The following MRPL48 variants were observed in gnomAD, a reference collection of about 807,000 sequenced individuals.
MRPL48 encodes mitochondrial ribosomal protein L48.
In MRPL48, 16 loss-of-function variants were observed where a neutral mutation model predicts 32.9. The ratio of observed to expected loss-of-function variants is 0.49; its 90% CI spans 0.33 to 0.74. The LOEUF (loss-of-function observed/expected upper bound fraction) is 0.74. MRPL48 is among the 30% of genes least tolerant of loss of function. MRPL48 has a pLI of 0.02. For synonymous variants in MRPL48, 94 were observed against 89.2 expected (o/e 1.05, Z -0.31); for missense variants, 206 against 245.3 (o/e 0.84, Z 1.07).
chr11:73,861,070 G>T (rs1175427859), intron 6 of MRPL48, among the ~76,000 whole-genome samples: 1 of 152,032 alleles, frequency 6.6e-6, no homozygotes, highest in Non-Finnish European at 1.5e-5. Flanking sequence ...CATGGTATAG[G>T]CATCACCCTT....
chr11:73,810,572 TATTG>T (rs1565408330), intron 3 of MRPL48, among the ~76,000 whole-genome samples: 1 of 151,248 alleles, frequency 6.6e-6, no homozygotes. Flanking sequence ...TTTTTTTTTT[TATTG>T]TAATTTAAGT....
chr11:73,851,626 C>T (rs1948391837), intron 5 of MRPL48, among the ~76,000 whole-genome samples: 1 of 152,090 alleles, frequency 6.6e-6, no homozygotes, highest in Non-Finnish European at 1.5e-5. Flanking sequence ...TGTGGCAGTT[C>T]CTTTTCCCTC....
chr11:73,795,256 T>C (rs1947234523), intron 1 of MRPL48, among the ~76,000 whole-genome samples: 2 of 151,834 alleles, frequency 1.3e-5, no homozygotes, highest in Non-Finnish European at 1.5e-5. Context: ...AGAGACAGGG[T>C]TTCACCATGT....
chr11:73,851,918 T>TACACACACACAC (rs35410725), intron 5 of MRPL48, among the ~76,000 whole-genome samples: 44 of 149,384 alleles, frequency 2.9e-4, no homozygotes, highest in African/African-American at 1.1e-3. Context: ...TCAGGGAACG[T>TACACACACACAC]ACACACACAC....
chr11:73,809,373 A>G (rs1029931228), intron 3 of MRPL48, among the ~76,000 whole-genome samples: 3 of 151,882 alleles, frequency 2.0e-5, no homozygotes, highest in East Asian at 1.9e-4. Context: ...GCGTGGTGGC[A>G]CATGCCTGTA....
chr11:73,829,166 C>T lies in MRPL48; in HGVS notation c.201+3370C>T, dbSNP rs187884329. Among the ~76,000 whole-genome samples the T allele has an allele frequency of 9.7e-3, 1,474 of 152,160 alleles. 19 individuals carry two copies. Among genetic ancestry groups the T allele is most frequent in the Middle Eastern group, 0.037 (11 of 294 alleles). ...TAACTGTATTGGGCCTTTTGTTTTT[C>T]CTCCAAGTCATTATACTTTTTCAAG... On this transcript the variant is annotated intron_variant, in intron 4 of 7. Transcript: ENST00000310614.
At chr11:73,859,554 T>G (rs558351583) in intron 5 of MRPL48, among the ~76,000 whole-genome samples, 1 of 152,166 alleles carries the variant, frequency 6.6e-6, no homozygotes, top group Non-Finnish European at 1.5e-5. Flanking sequence ...TTGCTGGGAT[T>G]ACAGGTGTGC....
At chr11:73,857,169 C>T (rs1948495780) in intron 5 of MRPL48, among the ~76,000 whole-genome samples, 3 of 151,852 alleles carry the variant, frequency 2.0e-5, no homozygotes, top group Admixed American at 1.3e-4. Flanking sequence ...CTTGCTCTGT[C>T]GCCCAAGCTG....
chr11:73,842,467 G>GTTAT (rs913812313), intron 4 of MRPL48: 29 of 151,878 alleles, frequency 1.9e-4, no homozygotes, highest in South Asian at 1.0e-3. Context: ...TAAAGAAGTG[G>GTTAT]TTATTTATTT....
At chr11:73,791,465 G>A (rs1217282379) in intron 1 of MRPL48, among the ~76,000 whole-genome samples, 1 of 151,868 alleles carries the variant, frequency 6.6e-6, no homozygotes, top group Non-Finnish European at 1.5e-5. Context: ...CACCCAGGCA[G>A]CAGTGCAGTG....
At chr11:73,850,232 T>C (rs1465840384) in intron 5 of MRPL48, among the ~76,000 whole-genome samples, 2 of 151,500 alleles carry the variant, frequency 1.3e-5, no homozygotes, top group African/African-American at 4.8e-5. Context: ...AAAATTATTT[T>C]AATAACAAAA....
intron 1 of MRPL48, among the ~76,000 whole-genome samples, chr11:73,796,618 T>C (rs1947258135): frequency 6.6e-6 from 1 of 152,170 alleles, no homozygotes; most frequent in Non-Finnish European, 1.5e-5. Flanking sequence ...AGGTTCCCAT[T>C]GAGACCCCAC....
chr11:73,795,552 G>C lies in MRPL48; in HGVS notation c.21+7560G>C, dbSNP rs979664716. Among the ~76,000 whole-genome samples, 6 of 151,614 alleles carry C rather than the reference G, an allele frequency of 4.0e-5. No homozygotes were observed. In the East Asian group the frequency reaches 1.2e-3, roughly 29 times the overall value. On this transcript the variant is annotated intron_variant, in intron 1 of 7. Transcript: ENST00000310614. The stretch of plus-strand genomic sequence containing the variant: ...TTGAGACCGAGTCTCTGTCACCCAG[G>C]CTGGAGTACAGTGGCGCGATCTCCG...
intron 3 of MRPL48, among the ~76,000 whole-genome samples, chr11:73,823,437 C>T (rs1334345488): frequency 6.6e-6 from 1 of 152,066 alleles, no homozygotes; most frequent in Non-Finnish European, 1.5e-5. Flanking sequence ...TCTTTATTAT[C>T]CTCATTTATA....
At chr11:73,809,483 G>A (rs1266839876) in intron 3 of MRPL48, among the ~76,000 whole-genome samples, 6 of 145,884 alleles carry the variant, frequency 4.1e-5, no homozygotes, top group African/African-American at 7.7e-5. Context: ...CAGCCTGGGC[G>A]ACAGAGCGAG....
intron 3 of MRPL48, among the ~76,000 whole-genome samples, chr11:73,817,071 G>A (rs1029689762): frequency 1.3e-4 from 19 of 150,176 alleles, no homozygotes; most frequent in African/African-American, 4.2e-4. Context: ...ACCTCAGGTG[G>A]TTCACCCGCT....
At chr11:73,821,041 C>T (rs561865787) in intron 3 of MRPL48, among the ~76,000 whole-genome samples, 48 of 152,264 alleles carry the variant, frequency 3.2e-4, no homozygotes, top group African/African-American at 1.1e-3. Context: ...GTTGCCCACA[C>T]TGGAGTACAG....
At chr11:73,798,922 C>T (rs1002670139) in intron 1 of MRPL48, among the ~76,000 whole-genome samples, 3 of 148,740 alleles carry the variant, frequency 2.0e-5, no homozygotes, top group African/African-American at 5.0e-5. Flanking sequence ...ACCTGAGAGG[C>T]GGAGGTTGTA....
At chr11:73,861,835 A>G (rs1948590533) in intron 6 of MRPL48, among the ~76,000 whole-genome samples, 1 of 151,926 alleles carries the variant, frequency 6.6e-6, no homozygotes, top group Non-Finnish European at 1.5e-5. Context: ...GGTTTTTTTG[A>G]TCTTCCTTGG....
Sources: allele counts gnomAD v4.1 joint callset (sites outside exome capture counted in the v4.1 genomes callset), GRCh38; gene constraint gnomAD v4.1.1; transcripts MANE v1.5; gene names NCBI Gene and HGNC (gene_info 2026-07-23, HGNC 2026-07-21).